The following GPBP1L1 variants were observed in gnomAD, a reference collection of about 807,000 sequenced individuals.
The protein encoded by GPBP1L1 is vasculin-like protein 1.
A neutral mutation model predicts 52.5 loss-of-function variants in GPBP1L1; 23 were observed. The ratio of observed to expected loss-of-function variants is 0.44; its 90% confidence interval spans 0.32 to 0.62. GPBP1L1 has a LOEUF of 0.62. GPBP1L1 is among the 20% of genes least tolerant of loss of function. The pLI is 0.06. For missense variants in GPBP1L1, 596 were observed against 579.3 expected (o/e 1.03, Z -0.30); for synonymous variants, 243 against 203.1 (o/e 1.20, Z -1.67).
At chr1:45,654,973 T>C in intron 5 of GPBP1L1, 144 bp from the exon 6 acceptor site, 1 of 1,023,488 alleles carries the variant, frequency 9.8e-7, no homozygotes, top group East Asian at 2.6e-5. Context: ...TGTGAGGTAA[T>C]TTCTGAAATC....
At position 45,642,464 on chromosome 1, in the gene GPBP1L1, C is replaced by A; in HGVS notation, c.513G>T (p.Gln171His). The A allele has an allele frequency of 1.2e-6, 2 of 1,614,066 alleles. No homozygotes were observed. Among genetic ancestry groups the A allele is most frequent in the Non-Finnish European group, 1.7e-6 (2 of 1,179,966 alleles). ...AAGGTGTCCCAATAGGTCTGCATGG[C>A]TGATGCTGTTTGCCAGCTTCTGGAT... Reference protein sequence around the residue: ...SLNPEAGKQHQPCRPIGTPSG... With the variant: ...SLNPEAGKQHHPCRPIGTPSG... Residue 171 changes from glutamine (Q) to histidine (H), a missense_variant, in exon 7 of 13, where the codon CAG becomes CAT. By Grantham distance (24) the Gln-to-His change is conservative. Coordinates refer to ENST00000355105, the MANE Select transcript of GPBP1L1 (RefSeq NM_021639.5).
chr1:45,655,271 C>A lies in GPBP1L1; in HGVS notation c.109G>T (p.Glu37Ter), dbSNP rs1262611752. Residue 37 changes from glutamate (E) to a stop codon, truncating the protein, a stop_gained, in exon 5 of 13, where the codon GAA becomes TAA. Transcript: ENST00000355105. LOFTEE classifies it high-confidence loss of function. ...EKHGEHLPRG[E>*]GRFGVSRRRH... ...CGGCGGCTTACTCCAAATCTACCTT[C>A]TCCTCTGGGTAGGTGCTCTCCGTGT... 6.2e-7 allele frequency: 1 copy of A among 1,614,014 alleles called. No homozygotes were observed. The highest frequency in any genetic ancestry group is 8.5e-7 in the Non-Finnish European group (1 of 1,179,978).
At chr1:45,644,040 G>A (rs1644709000) in intron 6 of GPBP1L1, among the ~76,000 whole-genome samples, 1 of 152,150 alleles carries the variant, frequency 6.6e-6, no homozygotes, top group African/African-American at 2.4e-5. Flanking sequence ...CTCCACTACA[G>A]AGCTTCAGAA....
rs1037807212 is a variant in GPBP1L1 at position 45,686,507 on chromosome 1, T to C, written c.-1238A>G. 1 of 152,388 alleles carries C rather than the reference T, an allele frequency of 6.6e-6. No homozygotes were observed. The highest frequency in any genetic ancestry group is 2.4e-5 in the African/African-American group (1 of 41,434). 9.4% of individuals were successfully genotyped at this position (152,388 alleles called of 1,614,324 possible). A position where few individuals can be genotyped will look rare whatever the true frequency, so the allele number is the denominator to read the frequency against. ...GGCAGAGGCGGCTAGTCCACAACCA[T>C]AACAAAGCTCTTCCCAAAATGGCTG... is the stretch of plus-strand genomic sequence containing the variant. On this transcript the variant is annotated 5_prime_UTR_variant, in exon 1 of 13. It removes an upstream start codon present in the reference 5' UTR. Transcript: ENST00000355105.
chr1:45,629,457 C>CA (rs900597547), intron 12 of GPBP1L1, 119 bp downstream of exon 12: 4 of 93,908 alleles, frequency 4.3e-5, no homozygotes, highest in South Asian at 5.8e-4. Flanking sequence ...AAGGTAATCC[C>CA]CCCCCCCCCC....
At chr1:45,682,194 C>A (rs1645219658) in intron 2 of GPBP1L1, among the ~76,000 whole-genome samples, 1 of 152,130 alleles carries the variant, frequency 6.6e-6, no homozygotes, top group Admixed American at 6.6e-5. Context: ...TAAACAGCCC[C>A]AAAACCAACT....
At chr1:45,659,814 G>A (rs187939383) in intron 3 of GPBP1L1, among the ~76,000 whole-genome samples, 1 of 152,216 alleles carries the variant, frequency 6.6e-6, no homozygotes, top group Admixed American at 6.5e-5. Context: ...GGTGGCACAC[G>A]TCTGTGGTCC....
intron 11 of GPBP1L1, 89 bp downstream of exon 11, chr1:45,630,393 G>A (rs985206758): frequency 6.9e-7 from 1 of 1,455,578 alleles, no homozygotes. Context: ...TCTGCATGTG[G>A]GACCTATCTA....
intron 12 of GPBP1L1, 105 bp downstream of exon 12, chr1:45,629,471 C>CCCCAA: frequency 7.1e-6 from 1 of 141,840 alleles, no homozygotes; most frequent in Non-Finnish European, 1.5e-5. Context: ...CCCCCCCACC[C>CCCCAA]GATCTTTCTC....
At chr1:45,644,999 T>C (rs922783438) in intron 6 of GPBP1L1, among the ~76,000 whole-genome samples, 1 of 152,234 alleles carries the variant, frequency 6.6e-6, no homozygotes, top group African/African-American at 2.4e-5. Flanking sequence ...TCCAATTTGA[T>C]GTGATTCAAC....
At chr1:45,644,660 C>T (rs1644718384) in intron 6 of GPBP1L1, among the ~76,000 whole-genome samples, 1 of 151,998 alleles carries the variant, frequency 6.6e-6, no homozygotes, top group African/African-American at 2.4e-5. Context: ...AATCTTAAGC[C>T]TCTTTCTATA....
intron 7 of GPBP1L1, 71 bp downstream of exon 7, chr1:45,642,356 G>C (rs917619425): frequency 1.1e-6 from 1 of 938,276 alleles, no homozygotes; most frequent in African/African-American, 1.6e-5. Flanking sequence ...AAGAGATAAG[G>C]AATCTTTGCT....
In GPBP1L1 at chr1:45,628,117, T is replaced by A. The variant is rs1210687485; in HGVS notation, c.*139A>T. On this transcript the variant is annotated 3_prime_UTR_variant, in exon 13 of 13. Coordinates refer to ENST00000355105, the MANE Select transcript of GPBP1L1 (RefSeq NM_021639.5). ...AACAAAAGCAAAACAAGCCAATTGC[T>A]CTCTCTTTGGGATATGATTATTTCC... 1.4e-5 allele frequency: 12 copies of A among 845,318 alleles called. No homozygotes were observed. Among genetic ancestry groups the A allele is most frequent in the Non-Finnish European group, 2.2e-5 (12 of 538,340 alleles). 52.4% of individuals were successfully genotyped at this position (845,318 alleles called of 1,614,324 possible).
intron 10 of GPBP1L1, among the ~76,000 whole-genome samples, chr1:45,632,827 G>T (rs912752936): frequency 3.3e-5 from 5 of 152,090 alleles, no homozygotes; most frequent in Non-Finnish European, 7.4e-5. Context: ...AGAACTCTAA[G>T]AACTCTTAAA....
At chr1:45,643,782 G>T (rs943546951) in intron 6 of GPBP1L1, among the ~76,000 whole-genome samples, 4 of 142,850 alleles carry the variant, frequency 2.8e-5, no homozygotes, top group Non-Finnish European at 6.0e-5. Context: ...CAATTCTCCT[G>T]TCTCAGCTTC....
chr1:45,660,061 G>T, intron 3 of GPBP1L1, 123 bp downstream of exon 3: 1 of 368,286 alleles, frequency 2.7e-6, no homozygotes, highest in Non-Finnish European at 3.8e-6. Context: ...GAGATCTGTT[G>T]GTGTCTTCAA....
chr1:45,636,439 CTACTT>C (rs1259937634), intron 8 of GPBP1L1, among the ~76,000 whole-genome samples: 2 of 151,590 alleles, frequency 1.3e-5, no homozygotes, highest in African/African-American at 4.9e-5. Context: ...GCATCTCTAC[CTACTT>C]TAACTTCTCT....
chr1:45,644,375 G>A (rs771617946), intron 6 of GPBP1L1, among the ~76,000 whole-genome samples: 1 of 152,066 alleles, frequency 6.6e-6, no homozygotes, highest in Non-Finnish European at 1.5e-5. Flanking sequence ...AAAAAATACA[G>A]TTTTAAAACT....
intron 3 of GPBP1L1, among the ~76,000 whole-genome samples, chr1:45,659,851 G>C (rs1208826030): frequency 6.6e-6 from 1 of 152,132 alleles, no homozygotes; most frequent in Non-Finnish European, 1.5e-5. Flanking sequence ...TAAGGTGGGA[G>C]AATCACCTGA....
Sources: allele counts gnomAD v4.1 joint callset (sites outside exome capture counted in the v4.1 genomes callset), GRCh38; gene constraint gnomAD v4.1.1; transcripts MANE v1.5; gene names NCBI Gene and HGNC (gene_info 2026-07-23, HGNC 2026-07-21).